DOCK1: variants seen among roughly 807,000 people sequenced by gnomAD.
DOCK1 encodes the protein dedicator of cytokinesis 1, also known as dedicator of cytokinesis protein 1.
A neutral mutation model predicts 262.7 loss-of-function variants in DOCK1; 138 were observed. That is an observed-to-expected ratio of 0.53 (90% CI 0.46 to 0.61). The LOEUF (loss-of-function observed/expected upper bound fraction) is 0.61, where lower values mean the gene tolerates loss of function less well. Ranked by LOEUF, DOCK1 falls within the 20% of genes least tolerant of loss-of-function variation. The pLI is 0.00. For missense variants in DOCK1, 1,908 were observed against 2,370.7 expected, an observed-to-expected ratio of 0.80 and a Z score of 4.05; for synonymous variants, 866 against 867.4, an observed-to-expected ratio of 1.00 and a Z score of 0.03.
At chr10:127,205,960 G>T (rs1213987380) in intron 27 of DOCK1, among the ~76,000 whole-genome samples, 1 of 152,062 alleles carries the variant, frequency 6.6e-6, no homozygotes, top group Non-Finnish European at 1.5e-5. Flanking sequence ...TTACATGCAA[G>T]TATGACTTAT....
chr10:127,117,392 C>T (rs1216177320), intron 25 of DOCK1, among the ~76,000 whole-genome samples: 1 of 152,212 alleles, frequency 6.6e-6, no homozygotes, highest in East Asian at 1.9e-4. Flanking sequence ...TTTTCTTAAA[C>T]TGTTTCACAC....
chr10:127,220,021 G>C (rs2058366482), intron 27 of DOCK1, among the ~76,000 whole-genome samples: 1 of 152,108 alleles, frequency 6.6e-6, no homozygotes, highest in Non-Finnish European at 1.5e-5. Context: ...ATCCTTCACA[G>C]AGTCTTCAGC....
At chr10:127,434,657 T>TC in intron 48 of DOCK1, among the ~76,000 whole-genome samples, 1 of 141,222 alleles carries the variant, frequency 7.1e-6, no homozygotes, top group East Asian at 2.0e-4. Context: ...GTCTACTTTC[T>TC]TTTTTTTTTT....
At chr10:127,271,837 G>T (rs1280758227) in intron 29 of DOCK1, among the ~76,000 whole-genome samples, 1 of 152,196 alleles carries the variant, frequency 6.6e-6, no homozygotes, top group Non-Finnish European at 1.5e-5. Context: ...ATAAAAGGCA[G>T]TTACTCTTTT....
intron 21 of DOCK1, 48 bp from the exon 22 acceptor site, chr10:127,052,633 A>T: frequency 1.2e-6 from 2 of 1,612,960 alleles, no homozygotes; most frequent in South Asian, 2.2e-5. Context: ...AAGATTTGAG[A>T]TATTTTCCTT....
At chr10:127,405,576 C>A (rs1450954138) in intron 40 of DOCK1, among the ~76,000 whole-genome samples, 1 of 151,670 alleles carries the variant, frequency 6.6e-6, no homozygotes, top group Non-Finnish European at 1.5e-5. Flanking sequence ...TTGGGAGATT[C>A]CCCTGGTTCC....
At chr10:127,328,053 G>A (rs1304323711) in intron 29 of DOCK1, among the ~76,000 whole-genome samples, 6 of 142,594 alleles carry the variant, frequency 4.2e-5, no homozygotes, top group African/African-American at 7.9e-5. Context: ...GCACCAGTGA[G>A]AATGGGAAAA....
At chr10:127,107,923 C>T (rs1324125452) in intron 24 of DOCK1, among the ~76,000 whole-genome samples, 2 of 152,290 alleles carry the variant, frequency 1.3e-5, no homozygotes, top group African/African-American at 4.8e-5. Context: ...GCGCTTGAGC[C>T]GGGCCTGTCC....
chr10:127,253,188 C>A (rs375659333), intron 28 of DOCK1, among the ~76,000 whole-genome samples: 11 of 152,196 alleles, frequency 7.2e-5, no homozygotes, highest in Non-Finnish European at 1.5e-4. Context: ...CACGTGTCCA[C>A]GTCTCAGTAA....
intron 19 of DOCK1, among the ~76,000 whole-genome samples, chr10:127,041,375 G>T (rs903258884): frequency 6.6e-6 from 1 of 152,218 alleles, no homozygotes; most frequent in Non-Finnish European, 1.5e-5. Context: ...TGAGATTACA[G>T]ATGTGAGCCA....
At chr10:127,013,162 G>A (rs1428936726) in intron 12 of DOCK1, among the ~76,000 whole-genome samples, 1 of 152,188 alleles carries the variant, frequency 6.6e-6, no homozygotes, top group African/African-American at 2.4e-5. Context: ...TAGAGAATGA[G>A]CCTTCCTAGG....
intron 1 of DOCK1, among the ~76,000 whole-genome samples, chr10:126,913,843 C>T (rs570066912): frequency 6.6e-5 from 10 of 152,198 alleles, no homozygotes; most frequent in Admixed American, 1.3e-4. Flanking sequence ...CATAGAGATC[C>T]GTCTTTGAAT....
chr10:126,909,566 G>C (rs2031454904), intron 1 of DOCK1, among the ~76,000 whole-genome samples: 1 of 152,158 alleles, frequency 6.6e-6, no homozygotes, highest in East Asian at 1.9e-4. Flanking sequence ...ACCCAAGTGT[G>C]CTCTTCACTT....
chr10:126,956,586 C>A (rs941316001), intron 1 of DOCK1, among the ~76,000 whole-genome samples: 1 of 152,132 alleles, frequency 6.6e-6, no homozygotes, highest in Admixed American at 6.5e-5. Flanking sequence ...CTCCTCAGCT[C>A]GCACTGGGGC....
chr10:127,247,885 C>T (rs1424963049), intron 27 of DOCK1, 123 bp from the exon 28 acceptor site: 1 of 850,118 alleles, frequency 1.2e-6, no homozygotes, highest in South Asian at 1.7e-5. Context: ...GAACCCAGGG[C>T]TCCCTGCCCA....
chr10:127,029,616 C>G (rs151322861), intron 16 of DOCK1, among the ~76,000 whole-genome samples: 2 of 152,278 alleles, frequency 1.3e-5, no homozygotes, highest in African/African-American at 2.4e-5. Flanking sequence ...TACCCACACT[C>G]CAGAACACAC....
chr10:127,409,194 AC>A lies in DOCK1; in HGVS notation c.4264+18del, dbSNP rs1565068822. 1 of 1,613,248 alleles carries A rather than the reference AC, an allele frequency of 6.2e-7. No individual in the cohort carries two copies. The highest frequency in any genetic ancestry group is 1.7e-5 in the Admixed American group (1 of 59,958). On this transcript the variant is annotated intron_variant, in intron 41 of 51. Transcript: ENST00000623213. ...CCTGGCCAGTGTATCCTTTAAGACA[AC>A]CTCATCAACTCTGAAACCATGGTGA...
intron 28 of DOCK1, 40 bp from the exon 29 acceptor site, chr10:127,257,295 T>A (rs1340840902): frequency 6.6e-7 from 1 of 1,506,098 alleles, no homozygotes; most frequent in Non-Finnish European, 9.0e-7. Context: ...TTTACCTTTT[T>A]CTTTGTGGGC....
Position 127,052,705 on chromosome 10 carries a change from C to G in DOCK1, c.2226C>G (p.Asn742Lys), listed in dbSNP as rs1380330832. ...GGAAGTTGACAAAAGTGTTGAAGAA[C>G]TACGTGGACGGTGCTGAGAAGCCGG... is the stretch of plus-strand genomic sequence containing the variant. ...AYTKLTKVLK[N>K]YVDGAEKPGV... The change falls in exon 22 of 52, where the codon AAC (asparagine) becomes AAG (lysine). Residue 742 changes from asparagine (N) to lysine (K), a missense_variant. Asn to Lys is a moderately conservative substitution (Grantham distance 94). This residue lies in a region of DOCK1 where 518 missense variants were observed against 575.1 expected (regional missense o/e 0.90). Transcript: ENST00000623213. 1 of 1,613,934 alleles carries G rather than the reference C, an allele frequency of 6.2e-7. No individual in the cohort carries two copies. Among genetic ancestry groups the G allele is most frequent in the South Asian group, 1.1e-5 (1 of 91,066 alleles).
Sources: gnomAD v4.1 joint callset for allele counts (sites outside exome capture counted in the v4.1 genomes callset) on GRCh38, gnomAD v4.1.1 for gene constraint, gnomAD v4.1.1 regional missense constraint, MANE v1.5 for transcripts, NCBI Gene and HGNC (gene_info 2026-07-23, HGNC 2026-07-21) for gene names.